Variants in TAFA1 observed in about 807,000 individuals in gnomAD.
TAFA1 encodes chemokine-like protein TAFA-1.
A neutral mutation model predicts 18.5 loss-of-function variants in TAFA1; 4 were observed. That is an observed-to-expected ratio of 0.22 (90% CI 0.11 to 0.49). The LOEUF is 0.49. Ranked by LOEUF, TAFA1 falls within the 20% of genes least tolerant of loss-of-function variation. The pLI is 0.98. For missense variants in TAFA1, 147 were observed against 169.0 expected (o/e 0.87, Z 0.72); for synonymous variants, 56 against 55.2 (o/e 1.01, Z -0.06).
chr3:68,379,074 A>G (rs2106661819), intron 2 of TAFA1, among the ~76,000 whole-genome samples: 1 of 152,300 alleles, frequency 6.6e-6, no homozygotes, highest in African/African-American at 2.4e-5. Flanking sequence ...CAGTTTTTTG[A>G]GGAATCACCA....
At chr3:68,372,258 C>A (rs1393546081) in intron 2 of TAFA1, among the ~76,000 whole-genome samples, 1 of 152,096 alleles carries the variant, frequency 6.6e-6, no homozygotes, top group Non-Finnish European at 1.5e-5. Context: ...TGTGGTCTGG[C>A]CAAACCCCCA....
chr3:68,176,732 C>G (rs2066131289), intron 2 of TAFA1, among the ~76,000 whole-genome samples: 2 of 152,288 alleles, frequency 1.3e-5, no homozygotes, highest in South Asian at 4.1e-4. Context: ...CCTGGGACAC[C>G]CAGGCCACAT....
chr3:68,383,245 G>C (rs67323594), intron 2 of TAFA1, among the ~76,000 whole-genome samples: 3 of 142,704 alleles, frequency 2.1e-5, no homozygotes, highest in African/African-American at 7.8e-5. Context: ...GGTCAGAGAG[G>C]GTATCCTTGT....
chr3:68,175,886 G>A (rs1323428384), intron 2 of TAFA1, among the ~76,000 whole-genome samples: 1 of 152,130 alleles, frequency 6.6e-6, no homozygotes, highest in Non-Finnish European at 1.5e-5. Context: ...ATTCCCACAT[G>A]TGGTGGGAGG....
chr3:68,077,281 T>G (rs1351025950), intron 2 of TAFA1, among the ~76,000 whole-genome samples: 11 of 139,048 alleles, frequency 7.9e-5, no homozygotes, highest in Admixed American at 6.6e-4. Context: ...TGATGGTAGT[T>G]TCTTTTGCTG....
At position 68,067,307 on chromosome 3, in the gene TAFA1, C is replaced by T. The variant is rs546786833; in HGVS notation, c.118+60563C>T. 5.9e-5 allele frequency among the ~76,000 whole-genome samples: 9 copies of T among 152,292 alleles called. No individual in the cohort carries two copies. The East Asian group carries it at 9.7e-4, about 16-fold the overall frequency. On this transcript the variant is annotated intron_variant, in intron 2 of 4. Coordinates refer to ENST00000478136, the MANE Select transcript of TAFA1 (RefSeq NM_213609.4). The stretch of plus-strand genomic sequence containing the variant: ...TTCTTAATCTTCTCCAGGTTAAACA[C>T]TCCCATTCCTTCATCATTTTTTCAT...
chr3:68,009,274 C>T (rs556003408), intron 2 of TAFA1, among the ~76,000 whole-genome samples: 1 of 152,284 alleles, frequency 6.6e-6, no homozygotes, highest in East Asian at 1.9e-4. Flanking sequence ...CTCTCTTAAT[C>T]AGTGAATATA....
At chr3:68,044,472 A>G (rs1705228082) in intron 2 of TAFA1, among the ~76,000 whole-genome samples, 1 of 152,140 alleles carries the variant, frequency 6.6e-6, no homozygotes, top group South Asian at 2.1e-4. Flanking sequence ...GGCCCTGGAT[A>G]ATCCTGCCTC....
chr3:68,102,068 G>T (rs1220977368), intron 2 of TAFA1, among the ~76,000 whole-genome samples: 1 of 152,090 alleles, frequency 6.6e-6, no homozygotes, highest in Non-Finnish European at 1.5e-5. Flanking sequence ...TTTTTTACAA[G>T]AATAAAGGTG....
intron 2 of TAFA1, among the ~76,000 whole-genome samples, chr3:68,377,542 C>G (rs1332019891): frequency 1.3e-5 from 2 of 152,194 alleles, no homozygotes; most frequent in African/African-American, 4.8e-5. Context: ...GGAAAATTTG[C>G]AGCCTGATGA....
At chr3:68,251,415 C>G (rs549513374) in intron 2 of TAFA1, among the ~76,000 whole-genome samples, 18 of 152,338 alleles carry the variant, frequency 1.2e-4, no homozygotes, top group African/African-American at 3.8e-4. Flanking sequence ...ACAATATTCC[C>G]TTCTTTTGTC....
intron 2 of TAFA1, among the ~76,000 whole-genome samples, chr3:68,199,008 G>A (rs2066443889): frequency 6.6e-6 from 1 of 151,432 alleles, no homozygotes; most frequent in South Asian, 2.1e-4. Context: ...TTTGCATTTT[G>A]CATTTAGGTC....
chr3:68,440,098 G>A (rs1031771005), intron 3 of TAFA1, among the ~76,000 whole-genome samples: 1 of 151,970 alleles, frequency 6.6e-6, no homozygotes, highest in African/African-American at 2.4e-5. Flanking sequence ...CATGGCATGG[G>A]AGAAACTGGG....
At chr3:68,032,886 T>C (rs1704968040) in intron 2 of TAFA1, among the ~76,000 whole-genome samples, 1 of 152,168 alleles carries the variant, frequency 6.6e-6, no homozygotes, top group Admixed American at 6.6e-5. Flanking sequence ...TTCAGTTCTT[T>C]TCAATTCTTT....
intron 2 of TAFA1, among the ~76,000 whole-genome samples, chr3:68,041,525 G>A (rs56322755): frequency 0.028 from 4,280 of 152,258 alleles, 85 homozygotes; most frequent in East Asian, 0.1. Flanking sequence ...AAGTGGAGAA[G>A]TTTAGAAACT....
intron 2 of TAFA1, among the ~76,000 whole-genome samples, chr3:68,354,067 C>CT: frequency 6.6e-6 from 1 of 151,874 alleles, no homozygotes; most frequent in Non-Finnish European, 1.5e-5. Flanking sequence ...CGAGTTTTGA[C>CT]TATAGGGGTT....
chr3:68,022,805 A>G (rs1704719190), intron 2 of TAFA1, among the ~76,000 whole-genome samples: 1 of 117,396 alleles, frequency 8.5e-6, no homozygotes, highest in Non-Finnish European at 1.6e-5. Context: ...ATTATGTATA[A>G]GATTTATATA....
In TAFA1 at chr3:68,362,980, CT is replaced by C. The variant is rs10681792; in HGVS notation, c.119-54281del. Among the ~76,000 whole-genome samples, 274 of 75,004 alleles carry C rather than the reference CT, an allele frequency of 3.7e-3. 1 individual carries two copies. Among genetic ancestry groups the C allele is most frequent in the Middle Eastern group, 0.019 (1 of 54 alleles). 49.2% of individuals were successfully genotyped at this position (75,004 alleles called of 152,430 possible). The stretch of plus-strand genomic sequence containing the variant: ...AACGATGTAAGCCCTGTCTTGCAGG[CT>C]TTTTTTTTTTTTTTTTTTAAATACA... On this transcript the variant is annotated intron_variant, in intron 2 of 4. Coordinates refer to ENST00000478136, the MANE Select transcript of TAFA1 (RefSeq NM_213609.4).
intron 2 of TAFA1, among the ~76,000 whole-genome samples, chr3:68,080,001 A>T (rs1034109071): frequency 1.3e-5 from 2 of 151,850 alleles, no homozygotes; most frequent in African/African-American, 4.8e-5. Flanking sequence ...GTGCTCCTGT[A>T]TTGGGTGCAT....
Sources: gnomAD v4.1 joint callset for allele counts (sites outside exome capture counted in the v4.1 genomes callset) on GRCh38, gnomAD v4.1.1 for gene constraint, MANE v1.5 for transcripts, NCBI Gene and HGNC (gene_info 2026-07-23, HGNC 2026-07-21) for gene names.